The following TRAM2 variants were observed in gnomAD, a reference collection of about 807,000 sequenced individuals.
TRAM2 encodes the protein translocation associated membrane protein 2.
A neutral mutation model predicts 51.0 loss-of-function variants in TRAM2; 12 were observed. The ratio of observed to expected loss-of-function variants is 0.24; its 90% CI spans 0.15 to 0.38. TRAM2 has a LOEUF of 0.38. Ranked by LOEUF, TRAM2 falls within the 10% of genes least tolerant of loss-of-function variation. The pLI is 1.00. For synonymous variants in TRAM2, 175 were observed against 179.4 expected (o/e 0.98, Z 0.20); for missense variants, 361 against 462.0 (o/e 0.78, Z 2.00).
chr6:52,570,841 T>C (rs988651509), intron 1 of TRAM2, among the ~76,000 whole-genome samples: 1 of 112,100 alleles, frequency 8.9e-6, no homozygotes, highest in African/African-American at 3.4e-5. Flanking sequence ...TTTCCCCTGC[T>C]GAAAAGCAAG....
chr6:52,512,519 C>G (rs777708450), intron 4 of TRAM2, among the ~76,000 whole-genome samples: 6 of 152,184 alleles, frequency 3.9e-5, no homozygotes, highest in Non-Finnish European at 8.8e-5. Context: ...AGCTCAGGCA[C>G]GCAAAGCACC....
At chr6:52,574,688 C>A (rs1767734694) in intron 1 of TRAM2, among the ~76,000 whole-genome samples, 2 of 152,206 alleles carry the variant, frequency 1.3e-5, no homozygotes, top group Admixed American at 6.5e-5. Context: ...TGTTGTTTTT[C>A]TCGTCTTGGG....
intron 2 of TRAM2, among the ~76,000 whole-genome samples, chr6:52,520,753 C>G (rs1461670149): frequency 6.6e-6 from 1 of 152,200 alleles, no homozygotes; most frequent in East Asian, 1.9e-4. Flanking sequence ...CACAGCCCCC[C>G]ATCCCACCCC....
At chr6:52,575,130 G>C (rs949324871) in intron 1 of TRAM2, among the ~76,000 whole-genome samples, 6 of 152,208 alleles carry the variant, frequency 3.9e-5, no homozygotes, top group African/African-American at 1.4e-4. Flanking sequence ...GGCTCCAGGC[G>C]CAAGAGACTT....
At chr6:52,509,649 G>T in intron 4 of TRAM2, 63 bp from the exon 5 acceptor site, 2 of 1,524,060 alleles carry the variant, frequency 1.3e-6, no homozygotes, top group South Asian at 1.1e-5. Flanking sequence ...GGGGCCCTGG[G>T]ACCGGTCCAG....
At chr6:52,547,504 T>C (rs1207955128) in intron 1 of TRAM2, among the ~76,000 whole-genome samples, 2 of 152,180 alleles carry the variant, frequency 1.3e-5, no homozygotes, top group Non-Finnish European at 2.9e-5. Context: ...TCAGAGGAGC[T>C]AGAGGGGAGA....
At position 52,502,952 on chromosome 6, in the gene TRAM2, G is replaced by A. The variant is rs1486150568; in HGVS notation, c.*245C>T. On this transcript the variant is annotated 3_prime_UTR_variant, in exon 11 of 11. Transcript: ENST00000182527. ...AAAGCCAGCACAGGACAGGAGTGAG[G>A]ACAGGAGGTGGCCTGAGGGGGAGAA... is the stretch of plus-strand genomic sequence containing the variant. The A allele has an allele frequency of 1.7e-6, 1 of 580,136 alleles. No individual in the cohort carries two copies. The highest frequency in any genetic ancestry group is 3.1e-6 in the Non-Finnish European group (1 of 325,766). 35.9% of individuals were successfully genotyped at this position (580,136 alleles called of 1,614,324 possible).
intron 1 of TRAM2, among the ~76,000 whole-genome samples, chr6:52,576,315 G>A (rs1382116307): frequency 1.3e-5 from 2 of 152,220 alleles, no homozygotes; most frequent in African/African-American, 4.8e-5. Flanking sequence ...AAAACACCCA[G>A]AAAATCACAT....
At chr6:52,550,588 G>A (rs375138906) in intron 1 of TRAM2, among the ~76,000 whole-genome samples, 13 of 151,930 alleles carry the variant, frequency 8.6e-5, no homozygotes, top group African/African-American at 1.7e-4. Context: ...TTTCACTCCC[G>A]TCATCCAGAC....
At chr6:52,509,668 G>T in intron 4 of TRAM2, 82 bp from the exon 5 acceptor site, 1 of 1,236,996 alleles carries the variant, frequency 8.1e-7, no homozygotes, top group Non-Finnish European at 1.2e-6. Flanking sequence ...AGGGGTCAGG[G>T]ATGCATCCAG....
At chr6:52,561,487 CT>C (rs61175622) in intron 1 of TRAM2, among the ~76,000 whole-genome samples, 48,632 of 129,864 alleles carry the variant, frequency 0.37, 8,884 homozygotes, top group Non-Finnish European at 0.5. Flanking sequence ...GTTTCTTTTT[CT>C]TTTTTTTTTT....
At chr6:52,551,284 A>T (rs1160766261) in intron 1 of TRAM2, among the ~76,000 whole-genome samples, 1 of 152,202 alleles carries the variant, frequency 6.6e-6, no homozygotes, top group Non-Finnish European at 1.5e-5. Flanking sequence ...GCTCTACACT[A>T]ACCAATAATG....
At chr6:52,536,927 G>A (rs1439590444) in intron 1 of TRAM2, among the ~76,000 whole-genome samples, 5 of 152,206 alleles carry the variant, frequency 3.3e-5, no homozygotes, top group African/African-American at 1.2e-4. Flanking sequence ...CACATGTGAG[G>A]GATAGGGTGG....
At position 52,576,861 on chromosome 6, in the gene TRAM2, T is replaced by A. The variant is rs538768694; in HGVS notation, c.55A>T (p.Ile19Phe). Residue 19 changes from isoleucine (I) to phenylalanine (F), a missense_variant, in exon 1 of 11, where the codon ATC becomes TTC. Physicochemically the swap from Ile to Phe is conservative, Grantham distance 21. Coordinates refer to ENST00000182527, the MANE Select transcript of TRAM2 (RefSeq NM_012288.4). ...SYPLFSQEFV[I>F]HNHADIGFCL... ...AAGCCGATGTCCGCATGGTTGTGGA[T>A]GACGAACTCCTGGCTGAAGAGCGGG... is the stretch of plus-strand genomic sequence containing the variant. 1.9e-6 allele frequency: 3 copies of A among 1,613,874 alleles called. No individual in the cohort carries two copies. The highest frequency in any genetic ancestry group is 3.3e-4 in the Middle Eastern group (2 of 6,062).
chr6:52,541,208 C>T (rs1241313104), intron 1 of TRAM2, among the ~76,000 whole-genome samples: 2 of 152,190 alleles, frequency 1.3e-5, no homozygotes, highest in African/African-American at 4.8e-5. Context: ...CCTCTCTAGA[C>T]CCCAGTTTAC....
intron 4 of TRAM2, among the ~76,000 whole-genome samples, chr6:52,514,781 G>A (rs771627626): frequency 4.6e-5 from 7 of 152,188 alleles, no homozygotes; most frequent in Non-Finnish European, 1.0e-4. Context: ...TTAGGCCTCC[G>A]GGGGTGGGCA....
At chr6:52,553,907 A>G (rs79985134) in intron 1 of TRAM2, among the ~76,000 whole-genome samples, 16,418 of 152,204 alleles carry the variant, frequency 0.11, 973 homozygotes, top group Non-Finnish European at 0.12. Flanking sequence ...TTTGTCATTT[A>G]TCATTTTCTG....
chr6:52,542,913 A>G (rs2114091831), intron 1 of TRAM2, among the ~76,000 whole-genome samples: 3 of 152,366 alleles, frequency 2.0e-5, no homozygotes, highest in African/African-American at 7.2e-5. Context: ...TGAACTTGCC[A>G]TAATATACAT....
chr6:52,509,191 A>G (rs1325879468), intron 5 of TRAM2, among the ~76,000 whole-genome samples: 3 of 152,214 alleles, frequency 2.0e-5, no homozygotes, highest in African/African-American at 7.2e-5. Flanking sequence ...ATGGCAGGCC[A>G]GAAGGGAAGA....
Sources: gnomAD v4.1 joint callset for allele counts (sites outside exome capture counted in the v4.1 genomes callset) on GRCh38, gnomAD v4.1.1 for gene constraint, MANE v1.5 for transcripts, NCBI Gene and HGNC (gene_info 2026-07-23, HGNC 2026-07-21) for gene names.